The following CUL4A variants were observed in gnomAD, a reference collection of about 807,000 sequenced individuals.
CUL4A encodes the protein cullin-4A.
In CUL4A, 16 loss-of-function variants were observed where a neutral mutation model predicts 95.5. The ratio of observed to expected loss-of-function variants is 0.17; its 90% CI spans 0.11 to 0.25. CUL4A has a LOEUF of 0.25. Ranked by LOEUF, CUL4A falls within the 10% of genes least tolerant of loss-of-function variation. The pLI is 1.00. For missense variants in CUL4A, 610 were observed against 937.0 expected, an observed-to-expected ratio of 0.65 and a Z score of 4.56; for synonymous variants, 380 against 353.1, an observed-to-expected ratio of 1.08 and a Z score of -0.85.
In CUL4A at chr13:113,266,319, A is replaced by C. The variant is rs965930476; in HGVS notation, c.*2737A>C. 6.6e-6 allele frequency: 1 copy of C among 152,198 alleles called. No individual in the cohort carries two copies. The highest frequency in any genetic ancestry group is 2.4e-5 in the African/African-American group (1 of 41,440). The allele number at this position is 152,198 out of a possible 1,614,324, so 9.4% of individuals were successfully genotyped here. On this transcript the variant is annotated 3_prime_UTR_variant, in exon 20 of 20. Transcript: ENST00000375440. ...CAGGCATGAGACACTGCACCTGACC[A>C]GAAGTCATTTTTTCAATAGCAACCC...
chr13:113,224,399 A>T (rs1385680492), intron 3 of CUL4A, among the ~76,000 whole-genome samples: 2 of 152,106 alleles, frequency 1.3e-5, no homozygotes, highest in Admixed American at 6.5e-5. Context: ...TCTAACCTGT[A>T]GATAACTATA....
chr13:113,208,639 G>C (rs1200656993), upstream of CUL4A: 2 of 1,606,870 alleles, frequency 1.2e-6, no homozygotes, highest in East Asian at 2.3e-5. Flanking sequence ...CGCCATGGGA[G>C]CGCCGCCGAA....
chr13:113,228,376 A>C (rs1338995056), intron 4 of CUL4A, among the ~76,000 whole-genome samples: 2 of 152,160 alleles, frequency 1.3e-5, no homozygotes. Context: ...CTGCACAACC[A>C]GCGTCTTAGG....
intron 3 of CUL4A, 33 bp from the exon 4 acceptor site, chr13:113,227,943 G>A: frequency 7.2e-7 from 1 of 1,385,754 alleles, no homozygotes; most frequent in Non-Finnish European, 1.0e-6. Context: ...AAATTGGCCA[G>A]CATTTTTAAA....
chr13:113,231,412 C>T (rs546478045), intron 5 of CUL4A, among the ~76,000 whole-genome samples: 56 of 152,200 alleles, frequency 3.7e-4, no homozygotes, highest in African/African-American at 1.2e-3. Context: ...ATGGCTAGGA[C>T]GGCAGCATGA....
At chr13:113,218,057 C>T (rs1198059059) in intron 2 of CUL4A, among the ~76,000 whole-genome samples, 4 of 152,146 alleles carry the variant, frequency 2.6e-5, no homozygotes, top group Admixed American at 2.0e-4. Flanking sequence ...GCCAACATGG[C>T]GAAACCCCTC....
At chr13:113,218,881 G>C in intron 2 of CUL4A, 64 bp from the exon 3 acceptor site, 1 of 1,127,884 alleles carries the variant, frequency 8.9e-7, no homozygotes, top group Non-Finnish European at 1.3e-6. Flanking sequence ...GTTAACAATA[G>C]GGTTTTTTTA....
chr13:113,242,916 C>T, intron 10 of CUL4A, 52 bp from the exon 11 acceptor site: 1 of 1,381,296 alleles, frequency 7.2e-7, no homozygotes, highest in Non-Finnish European at 1.0e-6. Context: ...GGAGAAGATA[C>T]TGTTTGCTAT....
intron 15 of CUL4A, among the ~76,000 whole-genome samples, chr13:113,247,391 T>C (rs751882238): frequency 1.3e-5 from 2 of 152,188 alleles, no homozygotes; most frequent in Non-Finnish European, 2.9e-5. Flanking sequence ...CTGGGCAATG[T>C]TCTTTCCTCC....
At position 113,265,211 on chromosome 13, in the gene CUL4A, G is replaced by C. The variant is rs1238291293; in HGVS notation, c.*1629G>C. The stretch of plus-strand genomic sequence containing the variant: ...CTACCACAAAATACCAGTGGGGCCA[G>C]GTAGTGACAAGTGGGTCTTTTTTAC... On this transcript the variant is annotated 3_prime_UTR_variant, in exon 20 of 20. Coordinates refer to ENST00000375440, the MANE Select transcript of CUL4A (RefSeq NM_001008895.4). 1.3e-5 allele frequency: 2 copies of C among 152,200 alleles called. No individual in the cohort carries two copies. Among genetic ancestry groups the C allele is most frequent in the Non-Finnish European group, 2.9e-5 (2 of 68,052 alleles). 9.4% of individuals were successfully genotyped at this position (152,200 alleles called of 1,614,324 possible).
At chr13:113,246,696 A>G (rs1426813217) in intron 15 of CUL4A, among the ~76,000 whole-genome samples, 1 of 152,218 alleles carries the variant, frequency 6.6e-6, no homozygotes, top group African/African-American at 2.4e-5. Context: ...GGACAGTGTG[A>G]TTCCTTTTCT....
At position 113,224,903 on chromosome 13, in the gene CUL4A, G is replaced by A. The variant is rs538802069; in HGVS notation, c.369-3073G>A. ...AGGGTCGGCCTAGGGCTGTCCCCTC[G>A]CGGTCTGTCCGGTCTGTCGGTACAG... On this transcript the variant is annotated intron_variant, in intron 3 of 19. Transcript: ENST00000375440. 9.6e-4 allele frequency among the ~76,000 whole-genome samples: 146 copies of A among 152,312 alleles called. 3 individuals carry two copies. The South Asian group carries it at 0.024, about 25-fold the overall frequency.
chr13:113,209,188 AGCCCTCAGGAGGCGCGCGCCCCGGG>A (rs1441250362), upstream of CUL4A, among the ~76,000 whole-genome samples: 5 of 147,526 alleles, frequency 3.4e-5, no homozygotes, highest in Admixed American at 6.6e-5. Context: ...GGGGGTGCCG[AGCCCTCAGGAGGCGCGCGCCCCGGG>A]GCCCTCAGGA....
At chr13:113,213,684 A>G (rs1037129022) in intron 2 of CUL4A, among the ~76,000 whole-genome samples, 7 of 152,220 alleles carry the variant, frequency 4.6e-5, no homozygotes, top group African/African-American at 9.6e-5. Context: ...ACTAGATATT[A>G]TGAACAATGT....
rs375288443 is a variant in CUL4A at position 113,234,025 on chromosome 13, T to A, written c.765+39T>A. On this transcript the variant is annotated intron_variant, in intron 7 of 19. Coordinates refer to ENST00000375440, the MANE Select transcript of CUL4A (RefSeq NM_001008895.4). ...ATGTTTCCGAATCCCCTGGCTTCGT[T>A]TCTGCAGATGAGCACCTAGGAGGAC... 412 of 1,302,870 alleles carry A rather than the reference T, an allele frequency of 3.2e-4. 2 individuals carry two copies. The highest frequency in any genetic ancestry group is 1.8e-4 in the Middle Eastern group (1 of 5,430). 80.7% of individuals were successfully genotyped at this position (1,302,870 alleles called of 1,614,324 possible).
At chr13:113,231,937 G>A (rs942021379) in intron 5 of CUL4A, among the ~76,000 whole-genome samples, 8 of 151,754 alleles carry the variant, frequency 5.3e-5, no homozygotes, top group Admixed American at 3.3e-4. Flanking sequence ...CCACCACTGC[G>A]GCTGCTGCCA....
chr13:113,228,501 G>A (rs1336855128), intron 4 of CUL4A, among the ~76,000 whole-genome samples: 2 of 152,088 alleles, frequency 1.3e-5, no homozygotes, highest in Non-Finnish European at 2.9e-5. Context: ...TAAGTAGGTT[G>A]AAATCTTCCG....
chr13:113,218,478 A>G (rs1165733987), intron 2 of CUL4A, among the ~76,000 whole-genome samples: 2 of 152,126 alleles, frequency 1.3e-5, no homozygotes, highest in East Asian at 3.9e-4. Context: ...TCACTGAGGG[A>G]AAAGATTTTC....
upstream of CUL4A, chr13:113,208,322 A>G (rs2040097841): frequency 3.5e-6 from 5 of 1,432,564 alleles, no homozygotes; most frequent in Middle Eastern, 2.6e-4. Flanking sequence ...AAGTGAGGGC[A>G]GCGACCTGGG....
Sources: gnomAD v4.1 joint callset for allele counts (sites outside exome capture counted in the v4.1 genomes callset) on GRCh38, gnomAD v4.1.1 for gene constraint, MANE v1.5 for transcripts, NCBI Gene and HGNC (gene_info 2026-07-23, HGNC 2026-07-21) for gene names.